Variants in NUDT18 observed in about 807,000 individuals in gnomAD.
The protein encoded by NUDT18 is nudix hydrolase 18, also known as 8-oxo-dGDP phosphatase NUDT18.
Under a neutral mutation model 27.6 loss-of-function variants are expected in NUDT18, and 26 were observed. The observed-to-expected ratio is 0.94, with a 90% CI of 0.69 to 1.31. The LOEUF (loss-of-function observed/expected upper bound fraction) is 1.31. Ranked by LOEUF, NUDT18 falls within the 50% of genes most tolerant of loss-of-function variation. NUDT18 has a pLI of 0.00. For synonymous variants in NUDT18, 220 were observed against 196.9 expected, an observed-to-expected ratio of 1.12 and a Z score of -0.98; for missense variants, 450 against 433.4, an observed-to-expected ratio of 1.04 and a Z score of -0.34.
In NUDT18 at chr8:22,108,344, A is replaced by G; in HGVS notation, c.165T>C (p.Asp55=). 1 of 1,568,218 alleles carries G rather than the reference A, an allele frequency of 6.4e-7. No homozygotes were observed. Among genetic ancestry groups the G allele is most frequent in the Non-Finnish European group, 8.6e-7 (1 of 1,158,462 alleles). ...TGGCCTCCTGGATCAGTAGCACCTCATCCTGAGAGGAGAGAGGATCCTCAC... is the reference window on the plus strand; with the variant it reads ...TGGCCTCCTGGATCAGTAGCACCTCGTCCTGAGAGGAGAGAGGATCCTCAC... ...VVLAVFLSEQ[D]EVLLIQEAKR... The change falls in exon 2 of 3, where the codon GAT becomes GAC. Residue 55 remains aspartate, a splice_region_variant and synonymous_variant. Coordinates refer to ENST00000611621, the MANE Select transcript of NUDT18 (RefSeq NM_024815.4).
At chr8:22,107,928 GTCTGTGTGGAGAGAAGTGCAGC>G (rs1826396615) in intron 2 of NUDT18, 33 bp from the exon 3 acceptor site, 1 of 1,513,512 alleles carries the variant, frequency 6.6e-7, no homozygotes, top group Non-Finnish European at 8.9e-7. Flanking sequence ...GGCAGGGAGG[GTCTGTGTGGAGAGAAGTGCAGC>G]TCTGGCAGAG....
Position 22,109,141 on chromosome 8 carries a change from G to A in NUDT18, c.160C>T (p.Gln54Ter). 2 of 1,434,442 alleles carry A rather than the reference G, an allele frequency of 1.4e-6. No homozygotes were observed. The highest frequency in any genetic ancestry group is 1.4e-5 in the South Asian group (1 of 71,828). 88.9% of individuals were successfully genotyped at this position (1,434,442 alleles called of 1,614,324 possible). Residue 54 changes from glutamine (Q) to a stop codon, truncating the protein, a stop_gained and splice_region_variant, in exon 1 of 3, where the codon CAG (glutamine) becomes TAG (stop). Coordinates refer to ENST00000611621, the MANE Select transcript of NUDT18 (RefSeq NM_024815.4). LOFTEE classifies it high-confidence loss of function. ...CGGGCCCGGGGGCGGCCGCTCACCT[G>A]CTCGCTGAGGAACACGGCCAGCACC... is the stretch of plus-strand genomic sequence containing the variant. ...YVVLAVFLSEQDEVLLIQEAK... is the reference protein window; with the variant it reads ...YVVLAVFLSE
rs1013849669 is a variant in NUDT18, at chr8:22,107,643, C to T, written c.629G>A (p.Gly210Glu). 2 of 1,612,758 alleles carry T rather than the reference C, an allele frequency of 1.2e-6. No homozygotes were observed. The highest frequency in any genetic ancestry group is 2.7e-5 in the African/African-American group (2 of 74,898). ...QTVWVLVGTV[G>E]MPHLPVTACG... is the part of the protein sequence containing the mutation. ...GGCAGTGACAGGCAAGTGAGGCATCCCCACTGTGCCCACTAACACCCACAC... is the reference window on the plus strand; with the variant it reads ...GGCAGTGACAGGCAAGTGAGGCATCTCCACTGTGCCCACTAACACCCACAC... The change falls in exon 3 of 3, where the codon GGG becomes GAG. Residue 210 changes from glycine to glutamate, a missense_variant. Gly to Glu is a moderately conservative substitution (Grantham distance 98). Coordinates refer to ENST00000611621, the MANE Select transcript of NUDT18 (RefSeq NM_024815.4).
At position 22,109,306 on chromosome 8, in the gene NUDT18, C is replaced by T. The variant is rs781320705; in HGVS notation, c.-6G>A. The stretch of plus-strand genomic sequence containing the variant: ...GCCAGGCCCTCCGAGGCCATCGGGT[C>T]CCCCGGGGGGCGGCGGGCCGGATCC... On this transcript the variant is annotated 5_prime_UTR_variant, in exon 1 of 3. Coordinates refer to ENST00000611621, the MANE Select transcript of NUDT18 (RefSeq NM_024815.4). 139 of 1,344,532 alleles carry T rather than the reference C, an allele frequency of 1.0e-4. No homozygotes were observed. Among genetic ancestry groups the T allele is most frequent in the South Asian group, 7.8e-4 (42 of 53,996 alleles). The allele number at this position is 1,344,532 out of a possible 1,614,324, so 83.3% of individuals were successfully genotyped here.
Position 22,107,007 on chromosome 8 carries a change from G to A in NUDT18, c.*293C>T. The A allele has an allele frequency of 2.6e-6, 1 of 388,630 alleles. No homozygotes were observed. The highest frequency in any genetic ancestry group is 4.7e-6 in the Non-Finnish European group (1 of 212,398). 24.1% of individuals were successfully genotyped at this position (388,630 alleles called of 1,614,324 possible). On this transcript the variant is annotated 3_prime_UTR_variant, in exon 3 of 3. Transcript: ENST00000611621. ...CCAAGGACGGCACAGAACGTGATGA[G>A]GAGATGCCACTGGGGGTGCAGAAAG...
Position 22,108,188 on chromosome 8 carries a change from G to T in NUDT18, c.321C>A (p.Ser107=). The change falls in exon 2 of 3, where the codon TCC becomes TCA. Residue 107 remains serine, a synonymous_variant. Transcript: ENST00000611621. ...GLHCEPETLL[S]VEERGPSWVR... ...CCCAGGAGGGGCCCCGCTCCTCCAC[G>T]GACAGCAGTGTCTCGGGCTCACAGT... 6.3e-7 allele frequency: 1 copy of T among 1,583,596 alleles called. No individual in the cohort carries two copies. Among genetic ancestry groups the T allele is most frequent in the Non-Finnish European group, 8.6e-7 (1 of 1,165,820 alleles).
rs372993230 is a variant in NUDT18, at chr8:22,107,765, A to C, written c.507T>G (p.Tyr169Ter). 40 of 1,613,464 alleles carry C rather than the reference A, an allele frequency of 2.5e-5. No individual in the cohort carries two copies. Among genetic ancestry groups the C allele is most frequent in the Non-Finnish European group, 3.1e-5 (36 of 1,179,882 alleles). Residue 169 changes from tyrosine to a stop codon, truncating the protein, a stop_gained, in exon 3 of 3, where the codon TAT becomes TAG. Transcript: ENST00000611621. LOFTEE classifies it high-confidence loss of function. ...ILHLVELAAQYRQQARHPLIL... is the reference protein window; with the variant it reads ...ILHLVELAAQ Reference sequence around the variant, plus strand: ...TGAGAGGGTGCCTGGCTTGCTGGCGATACTGGGCGGCTAGTTCAACCAGGT... The same window carrying C: ...TGAGAGGGTGCCTGGCTTGCTGGCGCTACTGGGCGGCTAGTTCAACCAGGT...
In NUDT18 at chr8:22,107,614, CACAGGCAGTG is replaced by C; in HGVS notation, c.648_657del (p.Thr217AlafsTer11). 2 of 1,613,234 alleles carry C rather than the reference CACAGGCAGTG, an allele frequency of 1.2e-6. No individual in the cohort carries two copies. Among genetic ancestry groups the C allele is most frequent in the Non-Finnish European group, 1.7e-6 (2 of 1,179,850 alleles). On this transcript the variant is annotated frameshift_variant, in exon 3 of 3. Coordinates refer to ENST00000611621, the MANE Select transcript of NUDT18 (RefSeq NM_024815.4). LOFTEE classifies it high-confidence loss of function. ...CCCCTCTGCTCCATAGGGTCGAGGCCACAGGCAGTGACAGGCAAGTGAGGCATCCCCACTG... is the reference window on the plus strand; with the variant it reads ...CCCCTCTGCTCCATAGGGTCGAGGCCACAGGCAAGTGAGGCATCCCCACTG...
chr8:22,107,864 A>G lies in NUDT18; in HGVS notation c.408T>C (p.Asp136=). The part of the protein sequence containing the change: ...GGILKTSKEA[D]AESLQAAWYP... ...ACCAGGCAGCCTGCAGGGACTCCGC[A>G]TCGGCCTCCTTGGAAGTCTTGAGAA... Residue 136 remains aspartate (D), a synonymous_variant, in exon 3 of 3, where the codon GAT becomes GAC. Coordinates refer to ENST00000611621, the MANE Select transcript of NUDT18 (RefSeq NM_024815.4). The G allele has an allele frequency of 6.3e-7, 1 of 1,596,808 alleles. No individual in the cohort carries two copies. The highest frequency in any genetic ancestry group is 8.5e-7 in the Non-Finnish European group (1 of 1,169,980).
In NUDT18 at chr8:22,109,261, G is replaced by A. The variant is rs1826423562; in HGVS notation, c.40C>T (p.Leu14=). Residue 14 remains leucine, a synonymous_variant, in exon 1 of 3, where the codon CTG becomes TTG. Coordinates refer to ENST00000611621, the MANE Select transcript of NUDT18 (RefSeq NM_024815.4). ...TGCACGCTGGACCCCTGGCCAGCCA[G>A]CACGGAAGCCAGCGCCCCCGCCAGG... The part of the protein sequence containing the change: ...EGLAGALASV[L]AGQGSSVHSC... 1 of 1,404,346 alleles carries A rather than the reference G, an allele frequency of 7.1e-7. No individual in the cohort carries two copies. 87.0% of individuals were successfully genotyped at this position (1,404,346 alleles called of 1,614,324 possible). A position where few individuals can be genotyped will look rare whatever the true frequency, so the allele number is the denominator to read the frequency against.
At chr8:22,109,011 G>A (rs1826416358) in intron 1 of NUDT18, 128 bp downstream of exon 1, 2 of 610,274 alleles carry the variant, frequency 3.3e-6, no homozygotes, top group Non-Finnish European at 5.1e-6. Context: ...AGTGGGAGTG[G>A]GAGTGCTTTG....
At position 22,108,209 on chromosome 8, in the gene NUDT18, A is replaced by T; in HGVS notation, c.300T>A (p.Cys100Ter). 6.3e-7 allele frequency: 1 copy of T among 1,593,312 alleles called. No homozygotes were observed. The highest frequency in any genetic ancestry group is 1.1e-5 in the South Asian group (1 of 88,056). Residue 100 changes from cysteine (C) to a stop codon, truncating the protein, a stop_gained, in exon 2 of 3, where the codon TGT becomes TGA. Transcript: ENST00000611621. LOFTEE classifies it high-confidence loss of function. The stretch of plus-strand genomic sequence containing the variant: ...CCACGGACAGCAGTGTCTCGGGCTC[A>T]CAGTGCAGCCCCGCCTCCTCCTTCA... ...REVKEEAGLH[C>*]EPETLLSVEE... is the part of the protein sequence containing the mutation.
intron 1 of NUDT18, 93 bp from the exon 2 acceptor site, chr8:22,108,439 C>G (rs557515957): frequency 3.5e-6 from 4 of 1,144,698 alleles, no homozygotes; most frequent in African/African-American, 1.6e-5. Flanking sequence ...AGACTCCCCT[C>G]TGGGTGGACA....
Position 22,107,813 on chromosome 8 carries a change from C to T in NUDT18, c.459G>A (p.Pro153=), listed in dbSNP as rs761641791. 1.2e-6 allele frequency: 2 copies of T among 1,613,034 alleles called. No individual in the cohort carries two copies. Among genetic ancestry groups the T allele is most frequent in the Non-Finnish European group, 8.5e-7 (1 of 1,179,750 alleles). The part of the protein sequence containing the change: ...AWYPRTSLPT[P]LRAHDILHLV... ...GGTGCAGGATGTCATGGGCTCGCAGCGGAGTGGGCAGGGAGGTCCGTGGGT... is the reference window on the plus strand; with the variant it reads ...GGTGCAGGATGTCATGGGCTCGCAGTGGAGTGGGCAGGGAGGTCCGTGGGT... The change falls in exon 3 of 3, where the codon CCG becomes CCA. Residue 153 remains proline (P), a synonymous_variant. Coordinates refer to ENST00000611621, the MANE Select transcript of NUDT18 (RefSeq NM_024815.4).
rs746095595 is a variant in NUDT18 at position 22,107,667 on chromosome 8, A to G, written c.605T>C (p.Val202Ala). The G allele has an allele frequency of 6.2e-7, 1 of 1,612,594 alleles. No individual in the cohort carries two copies. Among genetic ancestry groups the G allele is most frequent in the Admixed American group, 1.7e-5 (1 of 59,970 alleles). Residue 202 changes from valine to alanine, a missense_variant, in exon 3 of 3, where the codon GTG (valine) becomes GCG (alanine). Physicochemically the swap from Val to Ala is moderately conservative, Grantham distance 64. Coordinates refer to ENST00000611621, the MANE Select transcript of NUDT18 (RefSeq NM_024815.4). ...LVATFTSAQT[V>A]WVLVGTVGMP... The stretch of plus-strand genomic sequence containing the variant: ...CCCCACTGTGCCCACTAACACCCAC[A>G]CTGTCTGGGCGCTGGTAAAGGTAGC...
At chr8:22,109,013 A>G in intron 1 of NUDT18, 126 bp downstream of exon 1, 1 of 615,974 alleles carries the variant, frequency 1.6e-6, no homozygotes, top group Non-Finnish European at 2.5e-6. Context: ...TGGGAGTGGG[A>G]GTGCTTTGCA....
In NUDT18 at chr8:22,108,173, GC is replaced by G; in HGVS notation, c.335del (p.Gly112AlafsTer54). The G allele has an allele frequency of 1.3e-6, 2 of 1,567,302 alleles. No homozygotes were observed. Among genetic ancestry groups the G allele is most frequent in the Admixed American group, 1.9e-5 (1 of 52,076 alleles). On this transcript the variant is annotated frameshift_variant, in exon 2 of 3. Coordinates refer to ENST00000611621, the MANE Select transcript of NUDT18 (RefSeq NM_024815.4). LOFTEE classifies it high-confidence loss of function. The stretch of plus-strand genomic sequence containing the variant: ...GGAACACGAAGCGGACCCAGGAGGG[GC>G]CCCGCTCCTCCACGGACAGCAGTGT... The part of the protein sequence containing the change: ...PETLLSVEER[G>X]PSWVRFVFLA...
upstream of NUDT18, chr8:22,109,578 G>T (rs971518656): frequency 7.9e-5 from 42 of 529,340 alleles, no homozygotes; most frequent in Non-Finnish European, 1.1e-4. Context: ...CGGGTCCGGA[G>T]CCCAGCGGAC....
rs2131742011 is a variant in NUDT18 at position 22,109,265 on chromosome 8, G to A, written c.36C>T (p.Ser12=). 7.1e-7 allele frequency: 1 copy of A among 1,401,914 alleles called. No individual in the cohort carries two copies. The highest frequency in any genetic ancestry group is 1.5e-5 in the South Asian group (1 of 65,748). 86.8% of individuals were successfully genotyped at this position (1,401,914 alleles called of 1,614,324 possible). A position where few individuals can be genotyped will look rare whatever the true frequency, so the allele number is the denominator to read the frequency against. The change falls in exon 1 of 3, where the codon TCC becomes TCT. Residue 12 remains serine, a synonymous_variant. Coordinates refer to ENST00000611621, the MANE Select transcript of NUDT18 (RefSeq NM_024815.4). The part of the protein sequence containing the change: ...ASEGLAGALA[S]VLAGQGSSVH... ...CGCTGGACCCCTGGCCAGCCAGCAC[G>A]GAAGCCAGCGCCCCCGCCAGGCCCT...
Sources: gnomAD v4.1 joint callset for allele counts on GRCh38, gnomAD v4.1.1 for gene constraint, MANE v1.5 for transcripts, NCBI Gene and HGNC (gene_info 2026-07-23, HGNC 2026-07-21) for gene names.